The following CDH18 variants were observed in gnomAD, a reference collection of about 807,000 sequenced individuals.
CDH18 encodes the protein cadherin-18.
CDH18 carries 31 observed loss-of-function variants against 67.9 expected under a neutral mutation model. The ratio of observed to expected loss-of-function variants is 0.46; its 90% CI spans 0.34 to 0.62. The LOEUF (loss-of-function observed/expected upper bound fraction) is 0.62, where lower values mean the gene tolerates loss of function less well. Among genes scored for constraint, CDH18 ranks in the 20% least tolerant of loss-of-function variants. CDH18 has a pLI of 0.01. For synonymous variants in CDH18, 362 were observed against 347.2 expected, an observed-to-expected ratio of 1.04 and a Z score of -0.48; for missense variants, 890 against 975.5, an observed-to-expected ratio of 0.91 and a Z score of 1.17.
chr5:20,201,202 T>A (rs1739417159), intron 2 of CDH18, among the ~76,000 whole-genome samples: 1 of 151,896 alleles, frequency 6.6e-6, no homozygotes, highest in Non-Finnish European at 1.5e-5. Flanking sequence ...ATTACTCCAA[T>A]CTCTGCTTCT....
At chr5:20,370,645 G>A (rs1433609338) in intron 1 of CDH18, among the ~76,000 whole-genome samples, 4 of 152,212 alleles carry the variant, frequency 2.6e-5, no homozygotes, top group Admixed American at 2.6e-4. Context: ...AGATACAGGA[G>A]AGAATGCCAT....
intron 2 of CDH18, among the ~76,000 whole-genome samples, chr5:19,915,908 A>C (rs1791725652): frequency 6.6e-6 from 1 of 152,178 alleles, no homozygotes; most frequent in Non-Finnish European, 1.5e-5. Flanking sequence ...TTAATCTATT[A>C]ACAGAACGTA....
At chr5:20,000,119 C>T (rs1436483644) in intron 2 of CDH18, among the ~76,000 whole-genome samples, 1 of 152,024 alleles carries the variant, frequency 6.6e-6, no homozygotes, top group African/African-American at 2.4e-5. Flanking sequence ...AGTTTTTGTC[C>T]CTTACATAAT....
intron 2 of CDH18, among the ~76,000 whole-genome samples, chr5:20,175,354 C>T (rs1326730646): frequency 6.6e-6 from 1 of 152,098 alleles, no homozygotes; most frequent in Non-Finnish European, 1.5e-5. Flanking sequence ...CTGCTGCCTC[C>T]TATTTTTCCT....
intron 1 of CDH18, among the ~76,000 whole-genome samples, chr5:20,288,287 A>T (rs1746840076): frequency 6.6e-6 from 1 of 151,776 alleles, no homozygotes; most frequent in South Asian, 2.1e-4. Context: ...TGTCTGGAAA[A>T]AGTGAATGTA....
intron 2 of CDH18, among the ~76,000 whole-genome samples, chr5:19,845,111 A>G (rs949976974): frequency 1.3e-5 from 2 of 152,280 alleles, no homozygotes; most frequent in South Asian, 4.1e-4. Flanking sequence ...TTTAAAAAAT[A>G]TATATCCAAA....
At chr5:19,583,531 C>T (rs1367548947) in intron 7 of CDH18, among the ~76,000 whole-genome samples, 1 of 151,916 alleles carries the variant, frequency 6.6e-6, no homozygotes, top group Non-Finnish European at 1.5e-5. Flanking sequence ...CCAGTTAAAT[C>T]AAATAACGTG....
chr5:19,494,277 A>G (rs1293811727), intron 11 of CDH18, among the ~76,000 whole-genome samples: 1 of 152,132 alleles, frequency 6.6e-6, no homozygotes, highest in Non-Finnish European at 1.5e-5. Flanking sequence ...GACTCATTAC[A>G]TTGCATGTGT....
At chr5:20,388,955 G>T (rs1036412607) in intron 1 of CDH18, among the ~76,000 whole-genome samples, 3 of 152,138 alleles carry the variant, frequency 2.0e-5, no homozygotes, top group African/African-American at 7.2e-5. Flanking sequence ...ATTTGCTGAG[G>T]AGTGCTTTAC....
intron 3 of CDH18, among the ~76,000 whole-genome samples, chr5:19,770,051 T>C (rs1258903944): frequency 6.6e-6 from 1 of 151,992 alleles, no homozygotes; most frequent in East Asian, 1.9e-4. Context: ...TTAGGAGAGC[T>C]AAAGTTTTTA....
At chr5:20,263,000 GA>G (rs1400895348) in intron 1 of CDH18, among the ~76,000 whole-genome samples, 2 of 138,216 alleles carry the variant, frequency 1.4e-5, no homozygotes, top group African/African-American at 5.4e-5. Context: ...GAGGGAAGGG[GA>G]GGGGAGGGAG....
At chr5:19,482,748 C>T (rs1244977784) in intron 12 of CDH18, among the ~76,000 whole-genome samples, 2 of 151,994 alleles carry the variant, frequency 1.3e-5, no homozygotes, top group Non-Finnish European at 2.9e-5. Context: ...TCTTTTTTCA[C>T]GTGAAGGGGA....
Position 20,060,786 on chromosome 5 carries a change from A to G in CDH18, c.-517-68772T>C, listed in dbSNP as rs563238693. ...CATTCAACTACCTGTGCCCAATTCTATATAAGTGAAGGCAACCGAAATATT... is the reference window on the plus strand; with the variant it reads ...CATTCAACTACCTGTGCCCAATTCTGTATAAGTGAAGGCAACCGAAATATT... On this transcript the variant is annotated intron_variant, in intron 2 of 14. Coordinates refer to the CDH18 transcript ENST00000507958. 2.1e-4 allele frequency among the ~76,000 whole-genome samples: 32 copies of G among 152,268 alleles called. No individual in the cohort carries two copies. The South Asian group carries it at 6.4e-3, about 31-fold the overall frequency.
chr5:19,552,673 T>C (rs962364809), intron 8 of CDH18, among the ~76,000 whole-genome samples: 1 of 152,176 alleles, frequency 6.6e-6, no homozygotes, highest in African/African-American at 2.4e-5. Flanking sequence ...TGTCTCCTAG[T>C]TATAGATTAG....
intron 2 of CDH18, among the ~76,000 whole-genome samples, chr5:20,193,780 G>A (rs1030861213): frequency 6.6e-6 from 1 of 152,124 alleles, no homozygotes; most frequent in Non-Finnish European, 1.5e-5. Flanking sequence ...TTCCTGGGAT[G>A]CGAGGCTGGT....
At chr5:20,517,963 C>G (rs1755478650) in intron 1 of CDH18, among the ~76,000 whole-genome samples, 1 of 151,970 alleles carries the variant, frequency 6.6e-6, no homozygotes, top group South Asian at 2.1e-4. Context: ...AATTCTAAAT[C>G]TATATCACAA....
rs558275425 is a variant in CDH18, at chr5:20,173,589, G to A, written c.-518+81855C>T. 2.8e-4 allele frequency among the ~76,000 whole-genome samples: 42 copies of A among 152,200 alleles called. 2 individuals are homozygous for A. The South Asian group carries it at 7.9e-3, about 29-fold the overall frequency. On this transcript the variant is annotated intron_variant, in intron 2 of 14. Transcript: ENST00000507958. ...AGAAATGGCTTTTAGCAGGTGGTTC[G>A]CAGTCAGATTTGCATTTAAAAATAT...
chr5:20,122,120 T>C (rs1490982005), intron 2 of CDH18, among the ~76,000 whole-genome samples: 1 of 152,174 alleles, frequency 6.6e-6, no homozygotes, highest in Non-Finnish European at 1.5e-5. Flanking sequence ...CTTGCATTCT[T>C]CTCAAAGCAA....
At chr5:20,437,005 G>A (rs1749218296) in intron 1 of CDH18, among the ~76,000 whole-genome samples, 1 of 151,292 alleles carries the variant, frequency 6.6e-6, no homozygotes, top group South Asian at 2.1e-4. Context: ...ACCAAAAAAT[G>A]TACAAAGAAA....
Sources: gnomAD v4.1 joint callset for allele counts (sites outside exome capture counted in the v4.1 genomes callset) on GRCh38, gnomAD v4.1.1 for gene constraint, MANE v1.5 for transcripts, NCBI Gene and HGNC (gene_info 2026-07-23, HGNC 2026-07-21) for gene names.